The following MOCS1 variants were observed in gnomAD, a reference collection of about 807,000 sequenced individuals.
The protein encoded by MOCS1 is molybdenum cofactor synthesis 1.
A neutral mutation model predicts 57.6 loss-of-function variants in MOCS1; 39 were observed. The ratio of observed to expected loss-of-function variants is 0.68; its 90% CI spans 0.52 to 0.88. The LOEUF is 0.88. MOCS1 is among the 40% of genes least tolerant of loss of function. The probability of loss-of-function intolerance (pLI) is 0.00; values close to 1 mark genes in which losing one functional copy is unlikely to be tolerated. For missense variants in MOCS1, 795 were observed against 831.1 expected (o/e 0.96, Z 0.53); for synonymous variants, 334 against 335.7 (o/e 1.00, Z 0.05).
intron 10 of MOCS1, among the ~76,000 whole-genome samples, chr6:39,908,149 G>A (rs1767072302): frequency 2.0e-5 from 3 of 152,160 alleles, no homozygotes; most frequent in East Asian, 1.9e-4. Context: ...TTGCTTTCCC[G>A]GGCAGCCAGT....
Position 39,909,111 on chromosome 6 carries a change from A to G in MOCS1, c.1103-9T>C. On this transcript the variant is annotated splice_polypyrimidine_tract_variant and intron_variant, in intron 9 of 10. Coordinates refer to ENST00000340692, the MANE Select transcript of MOCS1 (RefSeq NM_001358530.2). ...GGAAATACTGAACATGCCTGGGGTG[A>G]GGGAAAGATGGGGAGGGAGAGGAAA... The G allele has an allele frequency of 6.6e-7, 1 of 1,512,008 alleles. No homozygotes were observed. The highest frequency in any genetic ancestry group is 9.0e-7 in the Non-Finnish European group (1 of 1,116,738). The allele number at this position is 1,512,008 out of a possible 1,614,324, so 93.7% of individuals were successfully genotyped here.
intron 1 of MOCS1, among the ~76,000 whole-genome samples, chr6:39,933,956 G>A (rs957367022): frequency 6.6e-6 from 1 of 152,064 alleles, no homozygotes; most frequent in Non-Finnish European, 1.5e-5. Context: ...AAGAAAGAGG[G>A]TGGGTGCAAG....
Position 39,906,823 on chromosome 6 carries a change from AGTT to A in MOCS1, c.1442_1444del (p.Gln481del). 6.2e-7 allele frequency: 1 copy of A among 1,614,138 alleles called. No homozygotes were observed. Among genetic ancestry groups the A allele is most frequent in the Non-Finnish European group, 8.5e-7 (1 of 1,180,040 alleles). On this transcript the variant is annotated inframe_deletion, in exon 11 of 11. Coordinates refer to ENST00000340692, the MANE Select transcript of MOCS1 (RefSeq NM_001358530.2). ...CCGTCCTTCCGAGTCCACATGAGTT[AGTT>A]GTTCTGAGGTTAGCTGGGGTCCTGA...
intron 1 of MOCS1, among the ~76,000 whole-genome samples, chr6:39,933,916 C>CAGCTCTTG (rs1470352611): frequency 1.3e-5 from 2 of 152,050 alleles, no homozygotes; most frequent in Non-Finnish European, 2.9e-5. Context: ...CCTGATCTCT[C>CAGCTCTTG]AGCTCTTGGG....
At chr6:39,911,556 T>C (rs1009576358) in intron 8 of MOCS1, among the ~76,000 whole-genome samples, 3 of 152,222 alleles carry the variant, frequency 2.0e-5, no homozygotes, top group Non-Finnish European at 4.4e-5. Context: ...CAGCACACTA[T>C]TGTCCACAGA....
intron 1 of MOCS1, among the ~76,000 whole-genome samples, chr6:39,929,497 C>A (rs1330547937): frequency 2.0e-5 from 3 of 151,962 alleles, no homozygotes; most frequent in Non-Finnish European, 4.4e-5. Context: ...TGCCAAGATA[C>A]CCCCCCTCAA....
chr6:39,906,163 A>C lies in MOCS1; in HGVS notation c.*194T>G, dbSNP rs914754909. The C allele has an allele frequency of 1.4e-5, 11 of 765,142 alleles. No homozygotes were observed. The highest frequency in any genetic ancestry group is 2.1e-5 in the Non-Finnish European group (9 of 436,676). The allele number at this position is 765,142 out of a possible 1,614,324, so 47.4% of individuals were successfully genotyped here. A position where few individuals can be genotyped will look rare whatever the true frequency, so the allele number is the denominator to read the frequency against. ...GGCCTGCTGGTATCCTCCCTATAGAAAGGAAGCCCCATTGGTCATTAGAGA... is the reference window on the plus strand; with the variant it reads ...GGCCTGCTGGTATCCTCCCTATAGACAGGAAGCCCCATTGGTCATTAGAGA... On this transcript the variant is annotated 3_prime_UTR_variant, in exon 11 of 11. Coordinates refer to ENST00000340692, the MANE Select transcript of MOCS1 (RefSeq NM_001358530.2).
chr6:39,919,881 G>A lies in MOCS1; in HGVS notation c.419-3649C>T, dbSNP rs576115303. Among the ~76,000 whole-genome samples, 10 of 152,242 alleles carry A rather than the reference G, an allele frequency of 6.6e-5. No individual in the cohort carries two copies. In the East Asian group the frequency reaches 1.4e-3, roughly 21 times the overall value. On this transcript the variant is annotated intron_variant, in intron 3 of 10. Transcript: ENST00000340692. ...AAATTTAAAATTTTTTGTGAAGAAC[G>A]AAGGTAGGTGATCTGATCTGGGGTT...
intron 1 of MOCS1, chr6:39,927,711 T>C (rs1169385868): frequency 6.5e-7 from 1 of 1,533,008 alleles, no homozygotes; most frequent in African/African-American, 1.4e-5. Flanking sequence ...TGGGAAGATT[T>C]CTGGCTGGGC....
chr6:39,934,309 G>C lies in MOCS1; in HGVS notation c.109C>G (p.Arg37Gly). The change falls in exon 1 of 11, where the codon CGA (arginine) becomes GGA (glycine). Residue 37 changes from arginine (R) to glycine (G), a missense_variant. By Grantham distance (125) the Arg-to-Gly change is moderately radical. Coordinates refer to ENST00000340692, the MANE Select transcript of MOCS1 (RefSeq NM_001358530.2). ...GGTGGGCTCACCTCCGAGGCAGCTC[G>C]CGCGGACTCCCCGGGGCAGGGCTGG... is the stretch of plus-strand genomic sequence containing the variant. ...VTQPCPGESARAASEEVSRRR... is the reference protein window; with the variant it reads ...VTQPCPGESAGAASEEVSRRR... 1 of 1,546,384 alleles carries C rather than the reference G, an allele frequency of 6.5e-7. No homozygotes were observed. The highest frequency in any genetic ancestry group is 8.7e-7 in the Non-Finnish European group (1 of 1,150,720).
chr6:39,907,701 G>A (rs934746871), intron 10 of MOCS1, among the ~76,000 whole-genome samples: 1 of 152,172 alleles, frequency 6.6e-6, no homozygotes, highest in African/African-American at 2.4e-5. Flanking sequence ...AGGGAATGGT[G>A]CAGGCTCTTG....
chr6:39,915,026 C>T (rs1221779325), intron 4 of MOCS1, among the ~76,000 whole-genome samples: 1 of 152,204 alleles, frequency 6.6e-6, no homozygotes, highest in East Asian at 1.9e-4. Flanking sequence ...GGCCAGCATG[C>T]ATGCATCCTC....
rs1251642362 is a variant in MOCS1 at position 39,907,135 on chromosome 6, A to G, written c.1151-18T>C. 1 of 1,599,308 alleles carries G rather than the reference A, an allele frequency of 6.3e-7. No individual in the cohort carries two copies. Among genetic ancestry groups the G allele is most frequent in the Non-Finnish European group, 8.5e-7 (1 of 1,174,638 alleles). ...AAATAACTCTGCAAGGCAAGAAGAA[A>G]AGAGAAGAAACACTAAGTCCAAAAG... On this transcript the variant is annotated intron_variant, in intron 10 of 10. Transcript: ENST00000340692.
In MOCS1 at chr6:39,909,041, G is replaced by A; in HGVS notation, c.1150+14C>T. The A allele has an allele frequency of 6.2e-7, 1 of 1,611,688 alleles. No homozygotes were observed. Among genetic ancestry groups the A allele is most frequent in the Non-Finnish European group, 8.5e-7 (1 of 1,178,508 alleles). Reference sequence around the variant, plus strand: ...TGACAAGGGTGAGTGGTTACGTACTGATGGGTCACCCACCGATGAGGATCA... The same window carrying A: ...TGACAAGGGTGAGTGGTTACGTACTAATGGGTCACCCACCGATGAGGATCA... On this transcript the variant is annotated intron_variant, in intron 10 of 10. Transcript: ENST00000340692.
chr6:39,910,369 A>G (rs1364781894), intron 8 of MOCS1, among the ~76,000 whole-genome samples: 1 of 152,174 alleles, frequency 6.6e-6, no homozygotes, highest in Non-Finnish European at 1.5e-5. Context: ...TGGCACACAC[A>G]TCCCATTTCA....
At chr6:39,911,001 G>A (rs950586349) in intron 8 of MOCS1, among the ~76,000 whole-genome samples, 1 of 152,150 alleles carries the variant, frequency 6.6e-6, no homozygotes, top group African/African-American at 2.4e-5. Flanking sequence ...GCCCTTCCTG[G>A]GCCCCAGTGA....
chr6:39,929,939 C>CAAA (rs397948587), intron 1 of MOCS1, among the ~76,000 whole-genome samples: 1,122 of 96,682 alleles, frequency 0.012, 16 homozygotes, highest in African/African-American at 0.018. Flanking sequence ...GAGATTCTCT[C>CAAA]AAAAAAAAAA....
At position 39,907,106 on chromosome 6, in the gene MOCS1, T is replaced by C. The variant is rs1031912390; in HGVS notation, c.1162A>G (p.Met388Val). 1 of 1,610,964 alleles carries C rather than the reference T, an allele frequency of 6.2e-7. No individual in the cohort carries two copies. ...RPMILIELFLMFPNSPPANPS... is the reference protein window; with the variant it reads ...RPMILIELFLVFPNSPPANPS... ...TTGGCTGGTGGGGAATTGGGGAACA[T>C]CAAAAATAACTCTGCAAGGCAAGAA... Residue 388 changes from methionine to valine, a missense_variant, in exon 11 of 11, where the codon ATG becomes GTG. Met to Val is a conservative substitution (Grantham distance 21). This residue lies in a region of MOCS1 where 374 missense variants were observed against 422.6 expected (regional missense o/e 0.89). Coordinates refer to ENST00000340692, the MANE Select transcript of MOCS1 (RefSeq NM_001358530.2).
In MOCS1 at chr6:39,913,338, T is replaced by G; in HGVS notation, c.736A>C (p.Ile246Leu). The change falls in exon 6 of 11, where the codon ATA becomes CTA. Residue 246 changes from isoleucine (I) to leucine (L), a missense_variant. By Grantham distance (5) the Ile-to-Leu change is conservative (BLOSUM62 2). This residue lies in a region of MOCS1 where 416 missense variants were observed against 392.4 expected (regional missense o/e 1.06). Transcript: ENST00000340692. ...TGACCATCAAAGGGCATATACTCTATGAAGCGCACATCCAGGGGGAGGCCC... is the reference window on the plus strand; with the variant it reads ...TGACCATCAAAGGGCATATACTCTAGGAAGCGCACATCCAGGGGGAGGCCC... ...TEGLPLDVRF[I>L]EYMPFDGNKW... The G allele has an allele frequency of 6.2e-7, 1 of 1,614,160 alleles. No individual in the cohort carries two copies. The highest frequency in any genetic ancestry group is 8.5e-7 in the Non-Finnish European group (1 of 1,180,004).
Sources: gnomAD v4.1 joint callset for allele counts (sites outside exome capture counted in the v4.1 genomes callset) on GRCh38, gnomAD v4.1.1 for gene constraint, gnomAD v4.1.1 regional missense constraint, MANE v1.5 for transcripts, NCBI Gene and HGNC (gene_info 2026-07-23, HGNC 2026-07-21) for gene names.